The following PREP variants were observed in gnomAD, a reference collection of about 807,000 sequenced individuals.
PREP encodes the protein prolyl endopeptidase.
Under a neutral mutation model 87.6 loss-of-function variants are expected in PREP, and 29 were observed. The observed-to-expected ratio is 0.33, with a 90% confidence interval of 0.25 to 0.45. The LOEUF (loss-of-function observed/expected upper bound fraction) is 0.45, where lower values mean the gene tolerates loss of function less well. Ranked by LOEUF, PREP falls within the 20% of genes least tolerant of loss-of-function variation. The probability of loss-of-function intolerance (pLI) is 1.00; values close to 1 mark genes in which losing one functional copy is unlikely to be tolerated. For synonymous variants in PREP, 337 were observed against 328.6 expected (o/e 1.03, Z -0.28); for missense variants, 695 against 886.5 (o/e 0.78, Z 2.74).
chr6:105,325,725 T>C (rs989429833), intron 9 of PREP, among the ~76,000 whole-genome samples: 1 of 152,244 alleles, frequency 6.6e-6, no homozygotes, highest in African/African-American at 2.4e-5. Flanking sequence ...TGATGCTTTG[T>C]GTCCCATCTG....
chr6:105,292,031 T>C (rs1437010631), intron 10 of PREP, among the ~76,000 whole-genome samples: 2 of 152,198 alleles, frequency 1.3e-5, no homozygotes, highest in East Asian at 3.8e-4. Flanking sequence ...CTCGTTCTCT[T>C]GCTATTTCCC....
intron 10 of PREP, among the ~76,000 whole-genome samples, chr6:105,297,089 C>A (rs992252299): frequency 5.3e-5 from 8 of 152,326 alleles, no homozygotes; most frequent in African/African-American, 1.9e-4. Context: ...GTACATGCTC[C>A]TCCATGGGCC....
chr6:105,318,236 TGTGA>T (rs890888888), intron 10 of PREP, among the ~76,000 whole-genome samples: 1 of 152,088 alleles, frequency 6.6e-6, no homozygotes, highest in Non-Finnish European at 1.5e-5. Context: ...TGCAACCGAG[TGTGA>T]GTATGTTTTC....
intron 6 of PREP, among the ~76,000 whole-genome samples, chr6:105,356,445 TAC>T (rs1293417389): frequency 1.3e-5 from 2 of 152,212 alleles, no homozygotes; most frequent in African/African-American, 4.8e-5. Context: ...TCAGTCAGCG[TAC>T]ACACTGCTTA....
At chr6:105,307,682 G>A (rs1415235360) in intron 10 of PREP, among the ~76,000 whole-genome samples, 2 of 152,014 alleles carry the variant, frequency 1.3e-5, no homozygotes, top group African/African-American at 2.4e-5. Context: ...GTGAGAGCTC[G>A]GCTTACCGCA....
chr6:105,359,708 C>T (rs1429724598), intron 6 of PREP, among the ~76,000 whole-genome samples: 1 of 152,052 alleles, frequency 6.6e-6, no homozygotes, highest in Non-Finnish European at 1.5e-5. Context: ...GGCACCTCTC[C>T]CAAGGTCATG....
At chr6:105,313,672 G>A (rs1227383178) in intron 10 of PREP, among the ~76,000 whole-genome samples, 1 of 152,178 alleles carries the variant, frequency 6.6e-6, no homozygotes, top group Admixed American at 6.5e-5. Flanking sequence ...CTGCTTTTAT[G>A]AGTACAGAAG....
At chr6:105,328,802 G>T in intron 9 of PREP, 27 bp downstream of exon 9, 2 of 1,608,422 alleles carry the variant, frequency 1.2e-6, no homozygotes, top group East Asian at 2.2e-5. Context: ...TTTTTAAAGT[G>T]AACAGCAACA....
chr6:105,303,033 T>C (rs888529414), intron 10 of PREP, among the ~76,000 whole-genome samples: 1 of 152,108 alleles, frequency 6.6e-6, no homozygotes, highest in African/African-American at 2.4e-5. Flanking sequence ...GATTAATCCA[T>C]GTAAAACCTC....
rs552711635 is a variant in PREP, at chr6:105,276,198, C to T, written c.*1946G>A. 7.9e-5 allele frequency among the ~76,000 whole-genome samples: 12 copies of T among 152,288 alleles called. No individual in the cohort carries two copies. The South Asian group carries it at 2.5e-3, about 32-fold the overall frequency. On this transcript the variant is annotated 3_prime_UTR_variant, in exon 15 of 15. Transcript: ENST00000652536. ...ATTAGTTGTCCTGTGAAAATCTAGACACAAAAATTAGGTTGGAAAAGAGAA... is the reference window on the plus strand; with the variant it reads ...ATTAGTTGTCCTGTGAAAATCTAGATACAAAAATTAGGTTGGAAAAGAGAA...
intron 2 of PREP, among the ~76,000 whole-genome samples, chr6:105,380,492 G>C (rs1029329017): frequency 1.3e-5 from 2 of 152,168 alleles, no homozygotes; most frequent in African/African-American, 4.8e-5. Flanking sequence ...AGACTATAGG[G>C]GAGCAAAAGT....
At chr6:105,285,674 ACT>A in intron 11 of PREP, 94 bp from the exon 12 acceptor site, 1 of 927,824 alleles carries the variant, frequency 1.1e-6, no homozygotes, top group Non-Finnish European at 1.7e-6. Flanking sequence ...GCCCAACAAC[ACT>A]CTGAGTAATA....
At chr6:105,302,582 A>G (rs1770561184) in intron 10 of PREP, 3 of 411,308 alleles carry the variant, frequency 7.3e-6, no homozygotes, top group Non-Finnish European at 1.4e-5. Context: ...CCGCAGGTCC[A>G]GGGGCTTGTA....
chr6:105,401,237 AACT>A (rs1169897419), intron 1 of PREP, among the ~76,000 whole-genome samples: 2 of 152,226 alleles, frequency 1.3e-5, no homozygotes, highest in African/African-American at 4.8e-5. Context: ...AGTGGTGAAA[AACT>A]AACAAGTAAC....
intron 2 of PREP, 32 bp downstream of exon 2, chr6:105,397,821 G>C: frequency 7.2e-6 from 11 of 1,517,972 alleles, no homozygotes; most frequent in Non-Finnish European, 1.0e-5. Flanking sequence ...AGCTACTAAG[G>C]CTGCCTTATC....
intron 2 of PREP, among the ~76,000 whole-genome samples, chr6:105,382,054 G>A (rs768597034): frequency 3.3e-5 from 5 of 151,776 alleles, no homozygotes; most frequent in East Asian, 1.9e-4. Flanking sequence ...AGCCAGGCAC[G>A]GAAAGATGAA....
chr6:105,278,543 C>G lies in PREP; in HGVS notation c.1839-105G>C, dbSNP rs560016823. 2.6e-6 allele frequency: 3 copies of G among 1,170,228 alleles called. No homozygotes were observed. In the South Asian group the frequency reaches 4.5e-5, roughly 17 times the overall value. The allele number at this position is 1,170,228 out of a possible 1,614,324, so 72.5% of individuals were successfully genotyped here. A position where few individuals can be genotyped will look rare whatever the true frequency, so the allele number is the denominator to read the frequency against. ...CAGTGAGGACTGCAGTTAACTAGTACGTGAGTGACCACCATGGACTGTGCC... is the reference window on the plus strand; with the variant it reads ...CAGTGAGGACTGCAGTTAACTAGTAGGTGAGTGACCACCATGGACTGTGCC... On this transcript the variant is annotated intron_variant, in intron 14 of 14. Transcript: ENST00000652536. The surrounding 1 kb of genome is among the most constrained non-coding windows in gnomAD (Gnocchi z 4.2).
At chr6:105,284,734 T>A (rs1488992722) in intron 12 of PREP, among the ~76,000 whole-genome samples, 1 of 152,208 alleles carries the variant, frequency 6.6e-6, no homozygotes, top group Non-Finnish European at 1.5e-5. Flanking sequence ...CAATTTCAGA[T>A]ACACAAAAGC....
chr6:105,365,232 G>C (rs1291671400), intron 6 of PREP, among the ~76,000 whole-genome samples: 1 of 152,226 alleles, frequency 6.6e-6, no homozygotes, highest in African/African-American at 2.4e-5. Context: ...GGGTGACAGA[G>C]TGGGATTCCA....
Sources: gnomAD v4.1 joint callset for allele counts (sites outside exome capture counted in the v4.1 genomes callset) on GRCh38, gnomAD v4.1.1 for gene constraint, Gnocchi (gnomAD v3.1) non-coding constraint, MANE v1.5 for transcripts, NCBI Gene and HGNC (gene_info 2026-07-23, HGNC 2026-07-21) for gene names.